WWOX: variants seen among roughly 807,000 people sequenced by gnomAD.
WWOX encodes the protein WW domain-containing oxidoreductase.
WWOX carries 69 observed loss-of-function variants against 46.2 expected under a neutral mutation model. That is an observed-to-expected ratio of 1.49 (90% CI 1.23 to 1.82). WWOX has a LOEUF of 1.82. Ranked by LOEUF, WWOX falls within the 40% of genes most tolerant of loss-of-function variation. The pLI, the probability that WWOX is intolerant of heterozygous loss-of-function variation, is 0.00. For synonymous variants in WWOX, 359 were observed against 202.6 expected (o/e 1.77, Z -6.56); for missense variants, 919 against 542.6 (o/e 1.69, Z -6.89).
intron 8 of WWOX, among the ~76,000 whole-genome samples, chr16:79,175,886 C>T (rs1357998728): frequency 6.6e-6 from 1 of 152,186 alleles, no homozygotes; most frequent in Admixed American, 6.5e-5. Flanking sequence ...ACAGCCACAT[C>T]CTTTCACACC....
chr16:78,413,092 G>A (rs531386943), intron 6 of WWOX, among the ~76,000 whole-genome samples: 1 of 152,284 alleles, frequency 6.6e-6, no homozygotes, highest in African/African-American at 2.4e-5. Context: ...GCTGGACAGA[G>A]CTGATTTATC....
At position 78,115,094 on chromosome 16, in the gene WWOX, C is replaced by G. The variant is rs1397160477; in HGVS notation, c.349C>G (p.Leu117Val). 2 of 1,614,188 alleles carry G rather than the reference C, an allele frequency of 1.2e-6. No homozygotes were observed. Among genetic ancestry groups the G allele is most frequent in the Admixed American group, 1.7e-5 (1 of 60,016 alleles). ...CGGCAGCACCACTGCCATGGAAATT[C>G]TCCAGGGCCGGGATTTCACTGGCAA... ...YDGSTTAMEI[L>V]QGRDFTGKVV... The change falls in exon 4 of 9, where the codon CTC becomes GTC. Residue 117 changes from leucine to valine, a missense_variant. Coordinates refer to ENST00000566780, the MANE Select transcript of WWOX (RefSeq NM_016373.4).
At chr16:78,856,450 C>T in intron 8 of WWOX, among the ~76,000 whole-genome samples, 1 of 152,130 alleles carries the variant, frequency 6.6e-6, no homozygotes, top group African/African-American at 2.4e-5. Flanking sequence ...CGAGACCAGC[C>T]TGGCCAACAT....
chr16:78,935,402 C>T (rs551106283), intron 8 of WWOX, among the ~76,000 whole-genome samples: 1 of 152,230 alleles, frequency 6.6e-6, no homozygotes, highest in South Asian at 2.1e-4. Flanking sequence ...GGCACATATA[C>T]ACCATGGAAT....
intron 6 of WWOX, 118 bp downstream of exon 6, chr16:78,387,066 G>T (rs1287672808): frequency 3.9e-6 from 4 of 1,018,532 alleles, no homozygotes; most frequent in East Asian, 4.9e-5. Context: ...CCAAACAGGA[G>T]GCTCATTTAT....
chr16:78,859,972 A>G (rs968339576), intron 8 of WWOX, among the ~76,000 whole-genome samples: 2 of 152,220 alleles, frequency 1.3e-5, no homozygotes, highest in African/African-American at 2.4e-5. Flanking sequence ...ACATATCCAG[A>G]TAGCTATAGC....
chr16:78,938,986 G>C (rs934579188), intron 8 of WWOX, among the ~76,000 whole-genome samples: 4 of 152,188 alleles, frequency 2.6e-5, no homozygotes, highest in Non-Finnish European at 4.4e-5. Context: ...ACATGGTTTA[G>C]ATTGAAATCT....
intron 5 of WWOX, among the ~76,000 whole-genome samples, chr16:78,311,366 T>C (rs150244354): frequency 4.0e-4 from 61 of 152,336 alleles, no homozygotes; most frequent in Non-Finnish European, 7.1e-4. Flanking sequence ...ATTCAGTTCC[T>C]ACCACAAGGT....
At chr16:78,431,880 C>G (rs931185224) in intron 7 of WWOX, among the ~76,000 whole-genome samples, 1 of 151,976 alleles carries the variant, frequency 6.6e-6, no homozygotes, top group South Asian at 2.1e-4. Flanking sequence ...AAATACTCAA[C>G]TAATTGTTTA....
At chr16:78,742,124 A>G (rs2049243272) in intron 8 of WWOX, among the ~76,000 whole-genome samples, 1 of 152,144 alleles carries the variant, frequency 6.6e-6, no homozygotes, top group South Asian at 2.1e-4. Flanking sequence ...ATCTCAACCC[A>G]TTTAAATGTC....
chr16:78,805,618 C>T (rs1220864900), intron 8 of WWOX, among the ~76,000 whole-genome samples: 2 of 152,120 alleles, frequency 1.3e-5, no homozygotes, highest in African/African-American at 2.4e-5. Context: ...AAGGTAGATG[C>T]AGAAGAGTGG....
intron 8 of WWOX, among the ~76,000 whole-genome samples, chr16:79,104,925 T>C (rs1202763277): frequency 1.3e-5 from 2 of 152,116 alleles, no homozygotes; most frequent in African/African-American, 4.8e-5. Flanking sequence ...GGCTAATTAC[T>C]CAGGAGCAAA....
chr16:79,145,650 G>A (rs1194591666), intron 8 of WWOX, among the ~76,000 whole-genome samples: 5 of 152,160 alleles, frequency 3.3e-5, no homozygotes, highest in Admixed American at 2.6e-4. Flanking sequence ...TAAGTAATGG[G>A]ATGAAACCAA....
intron 5 of WWOX, among the ~76,000 whole-genome samples, chr16:78,255,238 A>T (rs80287077): frequency 3.3e-5 from 5 of 152,196 alleles, no homozygotes; most frequent in African/African-American, 1.2e-4. Context: ...AGTTTCTGGC[A>T]CACTATGTTT....
At chr16:79,036,037 C>T (rs1189067254) in intron 8 of WWOX, among the ~76,000 whole-genome samples, 1 of 152,206 alleles carries the variant, frequency 6.6e-6, no homozygotes, top group African/African-American at 2.4e-5. Context: ...ATACTCAGCA[C>T]AGTCCACCTC....
chr16:78,210,874 G>A (rs942249932), intron 5 of WWOX, among the ~76,000 whole-genome samples: 2 of 152,218 alleles, frequency 1.3e-5, no homozygotes, highest in Admixed American at 1.3e-4. Flanking sequence ...TCCTTTTGTA[G>A]TTAATCTATC....
At chr16:78,672,223 G>T (rs1835489464) in intron 8 of WWOX, among the ~76,000 whole-genome samples, 1 of 152,136 alleles carries the variant, frequency 6.6e-6, no homozygotes, top group South Asian at 2.1e-4. Flanking sequence ...GGGAGCTTTA[G>T]AATTTTCCTT....
At chr16:78,296,186 A>C (rs185411669) in intron 5 of WWOX, among the ~76,000 whole-genome samples, 25 of 152,270 alleles carry the variant, frequency 1.6e-4, no homozygotes, top group African/African-American at 4.6e-4. Flanking sequence ...GTAAAGCCTT[A>C]CTTTGAATGT....
intron 6 of WWOX, among the ~76,000 whole-genome samples, chr16:78,418,477 A>G (rs2082849265): frequency 6.6e-6 from 1 of 152,192 alleles, no homozygotes; most frequent in African/African-American, 2.4e-5. Context: ...TACTCTGACA[A>G]CAGAGGCAGA....
Sources: allele counts gnomAD v4.1 joint callset (sites outside exome capture counted in the v4.1 genomes callset), GRCh38; gene constraint gnomAD v4.1.1; transcripts MANE v1.5; gene names NCBI Gene and HGNC (gene_info 2026-07-23, HGNC 2026-07-21).